The following KHSRP variants were observed in gnomAD, a reference collection of about 807,000 sequenced individuals.
KHSRP encodes far upstream element-binding protein 2.
In KHSRP, 13 loss-of-function variants were observed where a neutral mutation model predicts 94.9. The observed-to-expected ratio is 0.14, with a 90% CI of 0.09 to 0.22. The LOEUF (loss-of-function observed/expected upper bound fraction) is 0.22. Among genes scored for constraint, KHSRP ranks in the 10% least tolerant of loss-of-function variants. The pLI is 1.00. For synonymous variants in KHSRP, 495 were observed against 401.4 expected, an observed-to-expected ratio of 1.23 and a Z score of -2.79; for missense variants, 710 against 1,010.0, an observed-to-expected ratio of 0.70 and a Z score of 4.03.
Position 6,414,418 on chromosome 19 carries a change from G to A in KHSRP, c.*606C>T, listed in dbSNP as rs1242793481. ...AGGGGAGCTGCCCTGTCTCCGGAGG[G>A]CGGTGGCTCCCGGCGCAGCACGACG... is the stretch of plus-strand genomic sequence containing the variant. On this transcript the variant is annotated 3_prime_UTR_variant, in exon 19 of 19. Transcript: ENST00000600480. The A allele has an allele frequency of 1.5e-5, 19 of 1,273,444 alleles. No homozygotes were observed. Among genetic ancestry groups the A allele is most frequent in the African/African-American group, 6.1e-5 (4 of 66,006 alleles). 78.9% of individuals were successfully genotyped at this position (1,273,444 alleles called of 1,614,324 possible).
chr19:6,424,687 G>C lies in KHSRP; in HGVS notation c.15C>G (p.Ser5Arg). Residue 5 changes from serine (S) to arginine (R), a missense_variant, in exon 1 of 19, where the codon AGC becomes AGG. Physicochemically the swap from Ser to Arg is moderately radical, Grantham distance 110. Transcript: ENST00000600480. MSDY[S>R]TGGPPPGPPP... ...GCGGCCCGGGCGGGGGTCCTCCCGT[G>C]CTGTAGTCCGACATGGCGCGGCGGG... is the stretch of plus-strand genomic sequence containing the variant. The C allele has an allele frequency of 1.9e-6, 2 of 1,031,752 alleles. No homozygotes were observed. Among genetic ancestry groups the C allele is most frequent in the Non-Finnish European group, 2.3e-6 (2 of 860,420 alleles). 63.9% of individuals were successfully genotyped at this position (1,031,752 alleles called of 1,614,324 possible).
At chr19:6,416,923 G>A (rs1372022990) in intron 12 of KHSRP, 41 bp from the exon 13 acceptor site, 3 of 1,612,978 alleles carry the variant, frequency 1.9e-6, no homozygotes, top group East Asian at 2.2e-5. Flanking sequence ...AACCCTGGAA[G>A]CCGGTCTGGT....
chr19:6,419,174 T>C, intron 7 of KHSRP, 29 bp downstream of exon 7: 1 of 1,562,610 alleles, frequency 6.4e-7, no homozygotes, highest in Non-Finnish European at 8.7e-7. Flanking sequence ...GCCCCCCACA[T>C]CACAATGAGA....
Position 6,416,823 on chromosome 19 carries a change from TCCTCGG to T in KHSRP, c.1236_1241del (p.Arg415_Gly416del), listed in dbSNP as rs771477149. On this transcript the variant is annotated inframe_deletion, in exon 13 of 19. Coordinates refer to ENST00000600480, the MANE Select transcript of KHSRP (RefSeq NM_001366299.1). ...GGGGACCCCAATTGCCTTGGCCTCTTCCTCGGCCTCGGCCCCCCGGGGGCATGCCTG... is the reference window on the plus strand; with the variant it reads ...GGGGACCCCAATTGCCTTGGCCTCTTCCTCGGCCCCCCGGGGGCATGCCTG... The T allele has an allele frequency of 5.0e-6, 8 of 1,587,694 alleles. No individual in the cohort carries two copies. The highest frequency in any genetic ancestry group is 1.8e-5 in the Admixed American group (1 of 54,580).
At chr19:6,416,258 A>G in intron 15 of KHSRP, 40 bp downstream of exon 15, 1 of 1,491,112 alleles carries the variant, frequency 6.7e-7, no homozygotes, top group East Asian at 2.3e-5. Context: ...CAGCTCAGTA[A>G]GCCCCCGGCC....
chr19:6,418,664 C>A lies in KHSRP; in HGVS notation c.780+38G>T. ...GTGGTGGTGGCGGTGGGGTGTGGCA[C>A]ACGGATGCAGAGGAAGCTGCCCAGG... On this transcript the variant is annotated intron_variant, in intron 8 of 18. Coordinates refer to ENST00000600480, the MANE Select transcript of KHSRP (RefSeq NM_001366299.1). The surrounding 1 kb of genome is among the most constrained non-coding windows in gnomAD (Gnocchi z 4.3). The A allele has an allele frequency of 6.2e-7, 1 of 1,613,768 alleles. No homozygotes were observed.
rs2092135031 is a variant in KHSRP at position 6,415,305 on chromosome 19, T to C, written c.1967-4A>G. 5.6e-6 allele frequency: 9 copies of C among 1,613,370 alleles called. No individual in the cohort carries two copies. The highest frequency in any genetic ancestry group is 7.6e-6 in the Non-Finnish European group (9 of 1,179,814). ...CCCCCTCCGGTGGCCACTTGCGCTG[T>C]GGGTGGACAAAGGCAGGTGAGAGGC... On this transcript the variant is annotated splice_polypyrimidine_tract_variant and splice_region_variant and intron_variant, in intron 18 of 18. Coordinates refer to ENST00000600480, the MANE Select transcript of KHSRP (RefSeq NM_001366299.1).
chr19:6,413,933 CGA>C lies in KHSRP; in HGVS notation c.*1089_*1090del, dbSNP rs1035039670. The C allele has an allele frequency of 9.6e-6, 7 of 727,940 alleles. No homozygotes were observed. Among genetic ancestry groups the C allele is most frequent in the East Asian group, 2.9e-5 (1 of 33,990 alleles). The allele number at this position is 727,940 out of a possible 1,614,324, so 45.1% of individuals were successfully genotyped here. ...AAAAGCATGTGAGACACAGAACAGG[CGA>C]GAGAGTGAGGGCCCGGCATGCCCCC... On this transcript the variant is annotated 3_prime_UTR_variant, in exon 19 of 19. Coordinates refer to ENST00000600480, the MANE Select transcript of KHSRP (RefSeq NM_001366299.1).
intron 1 of KHSRP, among the ~76,000 whole-genome samples, chr19:6,422,947 C>T (rs1049003408): frequency 4.6e-5 from 7 of 152,202 alleles, no homozygotes; most frequent in Admixed American, 3.3e-4. Flanking sequence ...AAAGCGATCA[C>T]TTCAAGGGAT....
intron 6 of KHSRP, among the ~76,000 whole-genome samples, chr19:6,419,872 T>G (rs1941282728): frequency 6.6e-6 from 1 of 152,040 alleles, no homozygotes; most frequent in Non-Finnish European, 1.5e-5. Flanking sequence ...ACCCACCCAC[T>G]GAAAATAAAA....
intron 5 of KHSRP, 123 bp downstream of exon 5, chr19:6,420,299 G>T: frequency 8.6e-7 from 1 of 1,156,370 alleles, no homozygotes; most frequent in Non-Finnish European, 1.3e-6. Context: ...GGACGAAGGA[G>T]GGACAAATGA....
At chr19:6,421,018 G>C (rs140833478) in intron 4 of KHSRP, 1 of 515,334 alleles carries the variant, frequency 1.9e-6, no homozygotes. Flanking sequence ...CCACCCCAGC[G>C]GAGGAAGCCA....
chr19:6,415,311 G>T lies in KHSRP; in HGVS notation c.1967-10C>A. On this transcript the variant is annotated splice_polypyrimidine_tract_variant and intron_variant, in intron 18 of 18. Coordinates refer to ENST00000600480, the MANE Select transcript of KHSRP (RefSeq NM_001366299.1). ...CCGGTGGCCACTTGCGCTGTGGGTG[G>T]ACAAAGGCAGGTGAGAGGCTGTGGG... 2 of 1,613,470 alleles carry T rather than the reference G, an allele frequency of 1.2e-6. No homozygotes were observed. Among genetic ancestry groups the T allele is most frequent in the Non-Finnish European group, 1.7e-6 (2 of 1,179,828 alleles).
intron 1 of KHSRP, among the ~76,000 whole-genome samples, chr19:6,423,337 C>T (rs1301143457): frequency 6.6e-6 from 1 of 152,176 alleles, no homozygotes; most frequent in East Asian, 1.9e-4. Flanking sequence ...ATCTCAGACA[C>T]GTGAAGAGCA....
chr19:6,415,583 G>A lies in KHSRP; in HGVS notation c.1839C>T (p.Thr613=), dbSNP rs1165022481. 14 of 1,517,084 alleles carry A rather than the reference G, an allele frequency of 9.2e-6. No individual in the cohort carries two copies. Among genetic ancestry groups the A allele is most frequent in the African/African-American group, 1.4e-5 (1 of 72,504 alleles). The allele number at this position is 1,517,084 out of a possible 1,614,324, so 94.0% of individuals were successfully genotyped here. ...AQGEPPQPPP[T]GQSDYTKAWE... is the part of the protein sequence containing the mutation. ...AGGCCTTAGTGTAGTCCGACTGGCC[G>A]GTGGGTGGGGGCTGAGGGGGCTCAC... Residue 613 remains threonine (T), a synonymous_variant, in exon 17 of 19, where the codon ACC becomes ACT. Coordinates refer to ENST00000600480, the MANE Select transcript of KHSRP (RefSeq NM_001366299.1).
At position 6,415,277 on chromosome 19, in the gene KHSRP, G is replaced by A. The variant is rs1479270710; in HGVS notation, c.1991C>T (p.Pro664Leu). The A allele has an allele frequency of 6.2e-7, 1 of 1,612,996 alleles. No individual in the cohort carries two copies. Among genetic ancestry groups the A allele is most frequent in the Non-Finnish European group, 8.5e-7 (1 of 1,179,846 alleles). Residue 664 changes from proline (P) to leucine (L), a missense_variant, in exon 19 of 19, where the codon CCA (proline) becomes CTA (leucine). Coordinates refer to ENST00000600480, the MANE Select transcript of KHSRP (RefSeq NM_001366299.1). ...KQAQVATGGGPGAPPGSQPDY... is the reference protein window; with the variant it reads ...KQAQVATGGGLGAPPGSQPDY... ...TGGCTGGGAGCCTGGGGGAGCTCCT[G>A]GACCCCCTCCGGTGGCCACTTGCGC...
At position 6,415,808 on chromosome 19, in the gene KHSRP, T is replaced by C; in HGVS notation, c.1687A>G (p.Ser563Gly). The change falls in exon 16 of 19, where the codon AGC becomes GGC. Residue 563 changes from serine to glycine, a missense_variant and splice_region_variant. Coordinates refer to ENST00000600480, the MANE Select transcript of KHSRP (RefSeq NM_001366299.1). ...QWQPPAPHDP[S>G]KAAAAAADPN... The stretch of plus-strand genomic sequence containing the variant: ...CTCCGCCAGGTGGCCCATCACTTAC[T>C]TGGGTCATGAGGAGCAGGCGGCTGC... 6.4e-7 allele frequency: 1 copy of C among 1,568,682 alleles called. No individual in the cohort carries two copies.
intron 4 of KHSRP, 156 bp downstream of exon 4, chr19:6,421,122 T>C (rs1177699756): frequency 3.0e-6 from 2 of 675,708 alleles, no homozygotes; most frequent in Non-Finnish European, 5.1e-6. Flanking sequence ...CGGACACAGC[T>C]CCTCTGCCTC....
chr19:6,421,504 G>C, intron 3 of KHSRP, 146 bp downstream of exon 3: 1 of 1,055,720 alleles, frequency 9.5e-7, no homozygotes, highest in African/African-American at 1.6e-5. Flanking sequence ...CAGGGTTCCT[G>C]GGATCCCTCA....
Sources: gnomAD v4.1 joint callset for allele counts (sites outside exome capture counted in the v4.1 genomes callset) on GRCh38, gnomAD v4.1.1 for gene constraint, Gnocchi (gnomAD v3.1) non-coding constraint, MANE v1.5 for transcripts, NCBI Gene and HGNC (gene_info 2026-07-23, HGNC 2026-07-21) for gene names.